EGFLAM: variants seen among roughly 807,000 people sequenced by gnomAD.
EGFLAM encodes the protein EGF like, fibronectin type III and laminin G domains, also known as pikachurin.
EGFLAM carries 79 observed loss-of-function variants against 113.1 expected under a neutral mutation model. The observed-to-expected ratio is 0.70, with a 90% confidence interval of 0.58 to 0.84. The LOEUF is 0.84. Ranked by LOEUF, EGFLAM falls within the 40% of genes least tolerant of loss-of-function variation. The probability of loss-of-function intolerance (pLI) is 0.00; values close to 1 mark genes in which losing one functional copy is unlikely to be tolerated. For synonymous variants in EGFLAM, 504 were observed against 487.6 expected (o/e 1.03, Z -0.44); for missense variants, 1,265 against 1,291.6 (o/e 0.98, Z 0.32).
At chr5:38,329,607 C>A (rs982555380) in intron 1 of EGFLAM, among the ~76,000 whole-genome samples, 4 of 152,120 alleles carry the variant, frequency 2.6e-5, no homozygotes, top group African/African-American at 9.7e-5. Context: ...TCTTTCACTA[C>A]CCCCATCCAC....
chr5:38,313,247 C>T (rs1198030622), intron 1 of EGFLAM, among the ~76,000 whole-genome samples: 1 of 152,136 alleles, frequency 6.6e-6, no homozygotes, highest in Non-Finnish European at 1.5e-5. Flanking sequence ...CAAAGGGAGG[C>T]TCTACATAAT....
intron 6 of EGFLAM, among the ~76,000 whole-genome samples, chr5:38,384,726 C>A (rs1740610881): frequency 6.6e-6 from 1 of 152,002 alleles, no homozygotes; most frequent in South Asian, 2.1e-4. Context: ...GATCTGTATC[C>A]CAGGCTCATT....
intron 3 of EGFLAM, among the ~76,000 whole-genome samples, chr5:38,339,786 C>T (rs907355739): frequency 3.3e-5 from 5 of 152,198 alleles, no homozygotes; most frequent in Non-Finnish European, 7.3e-5. Context: ...TCTCATGACT[C>T]AGAAGGAATA....
In EGFLAM at chr5:38,425,292, G is replaced by A. The variant is rs570201563; in HGVS notation, c.1810+200G>A. ...TCCCGGGTTCAAGTGATTCTCTTCT[G>A]CCTCAGCTCCCGAGTAGCTGGAACT... On this transcript the variant is annotated intron_variant, in intron 13 of 21. Transcript: ENST00000322350. Among the ~76,000 whole-genome samples, 4 of 152,190 alleles carry A rather than the reference G, an allele frequency of 2.6e-5. No homozygotes were observed. The East Asian group carries it at 7.7e-4, about 29-fold the overall frequency.
intron 4 of EGFLAM, among the ~76,000 whole-genome samples, chr5:38,351,481 G>A (rs1483280122): frequency 1.3e-5 from 2 of 152,106 alleles, no homozygotes; most frequent in Non-Finnish European, 2.9e-5. Context: ...CCCCAGCCTC[G>A]GAGGCTTTCA....
At chr5:38,317,804 C>T (rs1432889538) in intron 1 of EGFLAM, among the ~76,000 whole-genome samples, 1 of 152,126 alleles carries the variant, frequency 6.6e-6, no homozygotes, top group Non-Finnish European at 1.5e-5. Flanking sequence ...TTTCAAGCTT[C>T]GATCAGGAGA....
At chr5:38,405,778 A>T (rs1216628496) in intron 6 of EGFLAM, among the ~76,000 whole-genome samples, 2 of 152,198 alleles carry the variant, frequency 1.3e-5, no homozygotes, top group East Asian at 3.9e-4. Context: ...AAATATTTCC[A>T]AGTATTTCAC....
chr5:38,402,282 G>A (rs1303095236), intron 6 of EGFLAM, among the ~76,000 whole-genome samples: 1 of 152,230 alleles, frequency 6.6e-6, no homozygotes, highest in Non-Finnish European at 1.5e-5. Context: ...GTAGCATGAT[G>A]TAGTCAAAAG....
chr5:38,461,084 T>C (rs890565202), intron 20 of EGFLAM: 5 of 152,214 alleles, frequency 3.3e-5, no homozygotes, highest in Non-Finnish European at 5.9e-5. Context: ...TACCAGTCTT[T>C]ATAGAGCAAG....
At chr5:38,376,009 A>G (rs879715381) in intron 6 of EGFLAM, among the ~76,000 whole-genome samples, 5 of 152,320 alleles carry the variant, frequency 3.3e-5, no homozygotes, top group African/African-American at 9.6e-5. Flanking sequence ...AGGAAATTCA[A>G]AGAAGACCCA....
rs917342600 is a variant in EGFLAM, at chr5:38,406,027, G to A, written c.713-99G>A. The A allele has an allele frequency of 2.1e-5, 19 of 906,176 alleles. No homozygotes were observed. The Middle Eastern group carries it at 1.3e-3, about 61-fold the overall frequency. 56.1% of individuals were successfully genotyped at this position (906,176 alleles called of 1,614,324 possible). ...CATTGTTATGTTTCCAATACACTGC[G>A]TTCCATTCGGTACAGCTCTGCCTGT... On this transcript the variant is annotated intron_variant, in intron 6 of 21. Transcript: ENST00000322350.
At chr5:38,436,203 C>T (rs1316110716) in intron 16 of EGFLAM, among the ~76,000 whole-genome samples, 4 of 152,186 alleles carry the variant, frequency 2.6e-5, no homozygotes, top group Admixed American at 6.5e-5. Flanking sequence ...TGCAGCTTGA[C>T]TCCCCAGCCC....
chr5:38,416,966 C>T (rs761224469), intron 11 of EGFLAM, among the ~76,000 whole-genome samples: 9 of 152,174 alleles, frequency 5.9e-5, no homozygotes, highest in Non-Finnish European at 1.3e-4. Flanking sequence ...GAGTCTTACA[C>T]TCTGAACATT....
chr5:38,405,120 A>G (rs1204283932), intron 6 of EGFLAM, among the ~76,000 whole-genome samples: 2 of 152,108 alleles, frequency 1.3e-5, no homozygotes, highest in Admixed American at 1.3e-4. Context: ...AGTGTTTACT[A>G]TAATCTCCCT....
chr5:38,265,911 C>T (rs1195400277), intron 1 of EGFLAM, among the ~76,000 whole-genome samples: 1 of 152,228 alleles, frequency 6.6e-6, no homozygotes, highest in Non-Finnish European at 1.5e-5. Context: ...AGTTTGGACT[C>T]TCCCACTGCC....
At chr5:38,446,713 C>G (rs1742725721) in intron 17 of EGFLAM, among the ~76,000 whole-genome samples, 1 of 152,318 alleles carries the variant, frequency 6.6e-6, no homozygotes, top group East Asian at 1.9e-4. Context: ...TTTAAATTTT[C>G]TGTTTCGTCC....
chr5:38,422,525 G>C (rs1305281972), intron 12 of EGFLAM, among the ~76,000 whole-genome samples: 1 of 152,098 alleles, frequency 6.6e-6, no homozygotes, highest in East Asian at 1.9e-4. Context: ...CTTAAATGGA[G>C]AAAAATAATA....
In EGFLAM at chr5:38,337,524, G is replaced by T; in HGVS notation, c.102G>T (p.Lys34Asn). 6.3e-7 allele frequency: 1 copy of T among 1,596,526 alleles called. No individual in the cohort carries two copies. The highest frequency in any genetic ancestry group is 8.6e-7 in the Non-Finnish European group (1 of 1,169,548). Residue 34 changes from lysine to asparagine, a missense_variant, in exon 2 of 22, where the codon AAG becomes AAT. Coordinates refer to ENST00000322350, the MANE Select transcript of EGFLAM (RefSeq NM_152403.4). ...ATCTCTTTTGTTTGGGGGCAGGCAA[G>T]GTAGGGCCTCCTCTTGACATCAAGC... ...SLRAAIRKPG[K>N]VGPPLDIKLG... is the part of the protein sequence containing the mutation.
chr5:38,400,264 T>C (rs570288558), intron 6 of EGFLAM, among the ~76,000 whole-genome samples: 3 of 152,366 alleles, frequency 2.0e-5, no homozygotes, highest in African/African-American at 7.2e-5. Context: ...GATGCCTTTA[T>C]TAAAACAAAG....
Sources: gnomAD v4.1 joint callset for allele counts (sites outside exome capture counted in the v4.1 genomes callset) on GRCh38, gnomAD v4.1.1 for gene constraint, MANE v1.5 for transcripts, NCBI Gene and HGNC (gene_info 2026-07-23, HGNC 2026-07-21) for gene names.